The following RPAP1 variants were observed in gnomAD, a reference collection of about 807,000 sequenced individuals.
RPAP1 encodes the protein RNA polymerase II-associated protein 1.
A neutral mutation model predicts 142.4 loss-of-function variants in RPAP1; 109 were observed. That is an observed-to-expected ratio of 0.77 (90% CI 0.66 to 0.90). The LOEUF is 0.90. Among genes scored for constraint, RPAP1 ranks in the 40% least tolerant of loss-of-function variants. The pLI, the probability that RPAP1 is intolerant of heterozygous loss-of-function variation, is 0.00. For missense variants in RPAP1, 1,546 were observed against 1,751.7 expected (o/e 0.88, Z 2.10); for synonymous variants, 704 against 738.9 (o/e 0.95, Z 0.77).
rs2051686451 is a variant in RPAP1, at chr15:41,518,157, G to A, written c.3821C>T (p.Thr1274Ile). 1.3e-6 allele frequency: 2 copies of A among 1,581,344 alleles called. No homozygotes were observed. Among genetic ancestry groups the A allele is most frequent in the Non-Finnish European group, 1.7e-6 (2 of 1,169,242 alleles). ...GGCCAGGTTGTCTTCAGGAGGCACT[G>A]TGTAACACTCCAGGGACACAGGCAA... ...TQLPVSLECY[T>I]VPPEDNLALL... is the part of the protein sequence containing the mutation. Residue 1274 changes from threonine to isoleucine, a missense_variant, in exon 23 of 25, where the codon ACA becomes ATA. By Grantham distance (89) the Thr-to-Ile change is moderately conservative. Around this residue, in one of 3 missense-constraint regions of RPAP1, gnomAD observed 210 missense variants for 248.0 expected, o/e 0.85. Transcript: ENST00000304330.
Position 41,536,201 on chromosome 15 carries a change from T to G in RPAP1, c.348A>C (p.Ser116=), listed in dbSNP as rs2051905292. 1 of 1,613,994 alleles carries G rather than the reference T, an allele frequency of 6.2e-7. No homozygotes were observed. Among genetic ancestry groups the G allele is most frequent in the Non-Finnish European group, 8.5e-7 (1 of 1,180,002 alleles). ...LTKIIERDTS[S]VAVNLPVPSG... ...TGGGCACAGGCAGATTCACGGCCAC[T>G]GAACTTGTATCTCGTTCCTGTAGCA... Residue 116 remains serine (S), a synonymous_variant, in exon 4 of 25, where the codon TCA becomes TCC. Transcript: ENST00000304330.
chr15:41,524,401 G>A lies in RPAP1; in HGVS notation c.2076-147C>T, dbSNP rs551312849. 10 of 578,070 alleles carry A rather than the reference G, an allele frequency of 1.7e-5. No individual in the cohort carries two copies. The South Asian group carries it at 3.9e-4, about 23-fold the overall frequency. 35.8% of individuals were successfully genotyped at this position (578,070 alleles called of 1,614,324 possible). ...CACTCTTGGAAGGCTCAGCCCTAAAGAATGGAAAGGATGTTGTCCTTCAAG... is the reference window on the plus strand; with the variant it reads ...CACTCTTGGAAGGCTCAGCCCTAAAAAATGGAAAGGATGTTGTCCTTCAAG... On this transcript the variant is annotated intron_variant, in intron 15 of 24. Coordinates refer to ENST00000304330, the MANE Select transcript of RPAP1 (RefSeq NM_015540.4).
chr15:41,538,518 G>A lies in RPAP1; in HGVS notation c.-76-1317C>T, dbSNP rs1427256412. On this transcript the variant is annotated intron_variant, in intron 1 of 24. Transcript: ENST00000304330. ...ATCAGAGGCTTAGAGGATAAAAAAG[G>A]AAAGAAAAAACAAAAAAAATCAACA... Among the ~76,000 whole-genome samples, 8 of 11,802 alleles carry A rather than the reference G, an allele frequency of 6.8e-4. No homozygotes were observed. In the Admixed American group the frequency reaches 0.011, roughly 16 times the overall value. 7.7% of individuals were successfully genotyped at this position (11,802 alleles called of 152,430 possible).
Position 41,522,885 on chromosome 15 carries a change from GC to G in RPAP1, c.2621del (p.Gly874AlafsTer114). ...TGAGACGGGGGCAGCCTCCCGAGCA[GC>G]CCAGTGACACGAGGCTGGGGGGAGC... Reference protein sequence around the residue: ...LEAPPSLVSLGCSGGCPRLSL... With the variant: ...LEAPPSLVSLXCSGGCPRLSL... On this transcript the variant is annotated frameshift_variant, in exon 19 of 25. Coordinates refer to ENST00000304330, the MANE Select transcript of RPAP1 (RefSeq NM_015540.4). LOFTEE classifies it high-confidence loss of function. 6.3e-7 allele frequency: 1 copy of G among 1,576,592 alleles called. No homozygotes were observed.
chr15:41,520,336 C>A, intron 22 of RPAP1, 55 bp downstream of exon 22: 1 of 1,592,772 alleles, frequency 6.3e-7, no homozygotes, highest in Non-Finnish European at 8.6e-7. Flanking sequence ...CTCAGGACTG[C>A]CCCCGAGGCC....
At position 41,517,234 on chromosome 15, in the gene RPAP1, G is replaced by T; in HGVS notation, c.*308C>A. 1 of 253,346 alleles carries T rather than the reference G, an allele frequency of 3.9e-6. No homozygotes were observed. Among genetic ancestry groups the T allele is most frequent in the Non-Finnish European group, 7.5e-6 (1 of 133,018 alleles). 15.7% of individuals were successfully genotyped at this position (253,346 alleles called of 1,614,324 possible). On this transcript the variant is annotated 3_prime_UTR_variant, in exon 25 of 25. Transcript: ENST00000304330. ...ACAACTATAGCATTCATATGCCTCA[G>T]CCCAGGGCAGGGGTTGGGAGTTAGG... is the stretch of plus-strand genomic sequence containing the variant.
chr15:41,529,726 G>A, intron 8 of RPAP1, 138 bp downstream of exon 8: 1 of 834,634 alleles, frequency 1.2e-6, no homozygotes, highest in South Asian at 1.7e-5. Context: ...CAGAGTGATG[G>A]TAAAGGTGGG....
intron 20 of RPAP1, 22 bp downstream of exon 20, chr15:41,522,076 C>A (rs745957499): frequency 8.0e-5 from 129 of 1,610,930 alleles, no homozygotes; most frequent in Admixed American, 1.0e-4. Context: ...GACAGGAGAA[C>A]CTGTCAGACA....
intron 23 of RPAP1, 38 bp downstream of exon 23, chr15:41,517,968 G>T (rs2051682380): frequency 5.0e-6 from 8 of 1,613,458 alleles, no homozygotes; most frequent in Non-Finnish European, 5.1e-6. Flanking sequence ...TCAATTGCTA[G>T]CTCCCTTCCT....
At chr15:41,530,068 C>T (rs932947168) in intron 7 of RPAP1, 89 bp from the exon 8 acceptor site, 13 of 929,970 alleles carry the variant, frequency 1.4e-5, no homozygotes, top group Non-Finnish European at 2.2e-5. Flanking sequence ...CTGCCACATC[C>T]ACTTCTGTTC....
At chr15:41,523,070 C>G (rs1199282998) in intron 18 of RPAP1, 110 bp from the exon 19 acceptor site, 9 of 1,008,220 alleles carry the variant, frequency 8.9e-6, no homozygotes, top group Non-Finnish European at 1.1e-5. Context: ...CTGTGGAGGT[C>G]AGTGCTGCTC....
intron 6 of RPAP1, among the ~76,000 whole-genome samples, chr15:41,534,122 CA>C (rs766614698): frequency 4.3e-3 from 470 of 110,574 alleles, no homozygotes; most frequent in East Asian, 0.037. Context: ...AACTCCATCT[CA>C]AAAAAAAAAA....
intron 1 of RPAP1, among the ~76,000 whole-genome samples, chr15:41,537,618 A>G (rs1295961378): frequency 2.0e-5 from 3 of 152,312 alleles, no homozygotes; most frequent in Middle Eastern, 3.4e-3. Flanking sequence ...GCAGTGGCTC[A>G]CGCCCGTAAT....
At chr15:41,526,357 C>T (rs2051790555) in intron 14 of RPAP1, among the ~76,000 whole-genome samples, 1 of 152,242 alleles carries the variant, frequency 6.6e-6, no homozygotes, top group East Asian at 1.9e-4. Context: ...AGTGATCCTT[C>T]TACCTCAGCC....
At chr15:41,538,135 C>T (rs1251023010) in intron 1 of RPAP1, among the ~76,000 whole-genome samples, 6 of 151,810 alleles carry the variant, frequency 4.0e-5, no homozygotes, top group East Asian at 3.9e-4. Flanking sequence ...CCCAGCTACT[C>T]GGGAGGCTGA....
intron 14 of RPAP1, among the ~76,000 whole-genome samples, chr15:41,525,943 C>T (rs1783693498): frequency 6.6e-6 from 1 of 150,710 alleles, no homozygotes. Context: ...TGTGAGCCAC[C>T]GCGCCCGGCC....
intron 15 of RPAP1, 121 bp downstream of exon 15, chr15:41,524,870 T>C (rs1319334081): frequency 4.9e-6 from 5 of 1,011,504 alleles, no homozygotes; most frequent in Admixed American, 4.9e-5. Flanking sequence ...GCAGAAGCCC[T>C]CCCACTCATT....
At position 41,518,045 on chromosome 15, in the gene RPAP1, A is replaced by G; in HGVS notation, c.3933T>C (p.His1311=). 6.2e-7 allele frequency: 1 copy of G among 1,614,030 alleles called. No individual in the cohort carries two copies. Among genetic ancestry groups the G allele is most frequent in the Non-Finnish European group, 8.5e-7 (1 of 1,179,980 alleles). Residue 1311 remains histidine, a synonymous_variant, in exon 23 of 25, where the codon CAT becomes CAC. Transcript: ENST00000304330. ...CPVLYAVAVA[H]VNSFIFSQDP... is the part of the protein sequence containing the mutation. ...CCTGAGAGAAGATGAAGCTATTGAC[A>G]TGAGCCACAGCCACAGCATAGAGCA... is the stretch of plus-strand genomic sequence containing the variant.
At chr15:41,523,404 C>T in intron 17 of RPAP1, 50 bp from the exon 18 acceptor site, 1 of 1,243,390 alleles carries the variant, frequency 8.0e-7, no homozygotes, top group African/African-American at 1.5e-5. Flanking sequence ...ATTCATTCTC[C>T]TAGACCCTGT....
Sources: gnomAD v4.1 joint callset for allele counts (sites outside exome capture counted in the v4.1 genomes callset) on GRCh38, gnomAD v4.1.1 for gene constraint, gnomAD v4.1.1 regional missense constraint, MANE v1.5 for transcripts, NCBI Gene and HGNC (gene_info 2026-07-23, HGNC 2026-07-21) for gene names.